Variants in TBC1D1 observed in about 807,000 individuals in gnomAD.
TBC1D1 encodes the protein TBC1 (tre-2/USP6, BUB2, cdc16) domain family, member 1.
TBC1D1 carries 89 observed loss-of-function variants against 125.6 expected under a neutral mutation model. The ratio of observed to expected loss-of-function variants is 0.71; its 90% CI spans 0.60 to 0.85. The LOEUF is 0.85. Ranked by LOEUF, TBC1D1 falls within the 40% of genes least tolerant of loss-of-function variation. The pLI, the probability that TBC1D1 is intolerant of heterozygous loss-of-function variation, is 0.00. For synonymous variants in TBC1D1, 565 were observed against 564.1 expected (o/e 1.00, Z -0.02); for missense variants, 1,377 against 1,469.2 (o/e 0.94, Z 1.03).
chr4:37,997,213 C>A (rs1737992558), intron 2 of TBC1D1, among the ~76,000 whole-genome samples: 1 of 152,212 alleles, frequency 6.6e-6, no homozygotes, highest in African/African-American at 2.4e-5. Flanking sequence ...AGTATTATCA[C>A]AATTTTAATT....
intron 13 of TBC1D1, among the ~76,000 whole-genome samples, chr4:38,094,395 C>A (rs953947870): frequency 3.3e-5 from 5 of 152,120 alleles, no homozygotes; most frequent in African/African-American, 1.2e-4. Flanking sequence ...GTCCTCTTCC[C>A]CTATCTCTAC....
chr4:37,953,331 C>A (rs980123833), intron 2 of TBC1D1, among the ~76,000 whole-genome samples: 22 of 152,284 alleles, frequency 1.4e-4, no homozygotes, highest in African/African-American at 5.3e-4. Context: ...ATCTTAATAT[C>A]AGACTTTATT....
chr4:37,978,005 G>C (rs944582303), intron 2 of TBC1D1, among the ~76,000 whole-genome samples: 1 of 152,244 alleles, frequency 6.6e-6, no homozygotes, highest in Admixed American at 6.5e-5. Flanking sequence ...CCCACAAGGG[G>C]CGTCTGTCTT....
Position 37,993,589 on chromosome 4 carries a change from TATTTA to T in TBC1D1, c.418-20919_418-20915del, listed in dbSNP as rs1488469874. On this transcript the variant is annotated intron_variant, in intron 2 of 19. Coordinates refer to ENST00000261439, the MANE Select transcript of TBC1D1 (RefSeq NM_015173.4). ...GGCAAACAACAAAGCTTTATTTATT[TATTTA>T]TTTTTGAGATGCAGTCTCGCTCTGT... 6.1e-5 allele frequency among the ~76,000 whole-genome samples: 9 copies of T among 148,450 alleles called. No homozygotes were observed. In the East Asian group the frequency reaches 1.4e-3, roughly 24 times the overall value.
chr4:38,075,048 C>T (rs954172385), intron 12 of TBC1D1, among the ~76,000 whole-genome samples: 10 of 152,252 alleles, frequency 6.6e-5, no homozygotes, highest in Non-Finnish European at 1.2e-4. Context: ...CGTGAGCCAC[C>T]GCGCCTGGCC....
chr4:38,081,964 G>A (rs913388990), intron 12 of TBC1D1, among the ~76,000 whole-genome samples: 8 of 152,170 alleles, frequency 5.3e-5, no homozygotes, highest in African/African-American at 1.7e-4. Context: ...GTCTTGCCGT[G>A]GAGGGATAAA....
chr4:38,106,972 C>T (rs1020126172), intron 15 of TBC1D1, among the ~76,000 whole-genome samples: 25 of 151,966 alleles, frequency 1.6e-4, no homozygotes, highest in African/African-American at 5.8e-4. Flanking sequence ...CCACCCTCTC[C>T]CTCTGCTGCC....
chr4:38,089,521 A>G (rs1235401027), intron 12 of TBC1D1, among the ~76,000 whole-genome samples: 1 of 152,230 alleles, frequency 6.6e-6, no homozygotes, highest in African/African-American at 2.4e-5. Flanking sequence ...TTAAAACTGC[A>G]TAGTTATCAT....
intron 14 of TBC1D1, among the ~76,000 whole-genome samples, chr4:38,098,456 G>T (rs921788403): frequency 6.6e-6 from 1 of 152,180 alleles, no homozygotes; most frequent in Non-Finnish European, 1.5e-5. Flanking sequence ...GGCATATTTT[G>T]TGGGGGCTAA....
chr4:37,979,733 G>T (rs116479015), intron 2 of TBC1D1, among the ~76,000 whole-genome samples: 2,063 of 152,300 alleles, frequency 0.014, 49 homozygotes, highest in African/African-American at 0.046. Flanking sequence ...AAGGAGAAGG[G>T]GTGGGTGTCG....
intron 17 of TBC1D1, among the ~76,000 whole-genome samples, chr4:38,119,546 C>G (rs1763523342): frequency 6.6e-6 from 1 of 151,754 alleles, no homozygotes; most frequent in Non-Finnish European, 1.5e-5. Flanking sequence ...CTAAAAGCCT[C>G]AAAATTGTGT....
intron 2 of TBC1D1, among the ~76,000 whole-genome samples, chr4:37,943,133 T>G (rs1016726558): frequency 2.0e-5 from 3 of 152,208 alleles, no homozygotes; most frequent in African/African-American, 7.2e-5. Flanking sequence ...GGGTTGAAAA[T>G]TATTTTCTTT....
In TBC1D1 at chr4:37,954,204, A is replaced by T. The variant is rs1316302427; in HGVS notation, c.417+51692A>T. On this transcript the variant is annotated intron_variant, in intron 2 of 19. Transcript: ENST00000261439. Reference sequence around the variant, plus strand: ...GATGGCTGCTGTGGCTCCTCGCACCAGTGCATTCTAGGTAGGAGAGGAGGG... The same window carrying T: ...GATGGCTGCTGTGGCTCCTCGCACCTGTGCATTCTAGGTAGGAGAGGAGGG... Among the ~76,000 whole-genome samples the T allele has an allele frequency of 5.3e-5, 8 of 152,268 alleles. No individual in the cohort carries two copies. In the East Asian group the frequency reaches 1.4e-3, roughly 26 times the overall value.
rs71658755 is a variant in TBC1D1 at position 38,093,527 on chromosome 4, C to CT, written c.2237-2388dup. 5.8e-3 allele frequency among the ~76,000 whole-genome samples: 834 copies of CT among 144,442 alleles called. 6 individuals are homozygous for CT. Among genetic ancestry groups the CT allele is most frequent in the Middle Eastern group, 0.021 (6 of 280 alleles). 94.8% of individuals were successfully genotyped at this position (144,442 alleles called of 152,430 possible). A position where few individuals can be genotyped will look rare whatever the true frequency, so the allele number is the denominator to read the frequency against. On this transcript the variant is annotated intron_variant, in intron 13 of 19. Transcript: ENST00000261439. ...CCTCTGCAAGGCCGTTTTCCCCCCC[C>CT]TTTTTTTTTTTTTTGAGACAGAGTT...
intron 2 of TBC1D1, among the ~76,000 whole-genome samples, chr4:37,910,373 AAC>A: frequency 6.6e-6 from 1 of 152,378 alleles, no homozygotes; most frequent in Admixed American, 6.5e-5. Flanking sequence ...AAGTATAAAA[AAC>A]ACAGTGGATT....
Position 38,049,917 on chromosome 4 carries a change from T to C in TBC1D1, c.1910+19T>C, listed in dbSNP as rs368481906. 7.5e-5 allele frequency: 120 copies of C among 1,599,586 alleles called. No homozygotes were observed. The highest frequency in any genetic ancestry group is 2.9e-4 in the Admixed American group (17 of 58,604). Reference sequence around the variant, plus strand: ...AACGAAAGTAAGATTTGTTTAAATTTGTTGCATAAATAGCTGGGGCATATC... The same window carrying C: ...AACGAAAGTAAGATTTGTTTAAATTCGTTGCATAAATAGCTGGGGCATATC... On this transcript the variant is annotated intron_variant, in intron 11 of 19. Transcript: ENST00000261439.
At chr4:38,110,676 A>G (rs149225039) in intron 15 of TBC1D1, 216 of 985,432 alleles carry the variant, frequency 2.2e-4, no homozygotes, top group African/African-American at 2.0e-3. Context: ...CTCATTTTAT[A>G]TGTGAAGGTA....
intron 1 of TBC1D1, among the ~76,000 whole-genome samples, chr4:37,894,233 C>T (rs930725056): frequency 6.6e-5 from 10 of 152,100 alleles, no homozygotes; most frequent in African/African-American, 2.4e-4. Flanking sequence ...GTGATCCACC[C>T]GCCTTGGCCT....
At chr4:37,970,503 C>A (rs565266350) in intron 2 of TBC1D1, among the ~76,000 whole-genome samples, 1 of 152,340 alleles carries the variant, frequency 6.6e-6, no homozygotes, top group Admixed American at 6.5e-5. Context: ...TCCCTCTCCA[C>A]CTTCTGTAAA....
Sources: gnomAD v4.1 joint callset for allele counts (sites outside exome capture counted in the v4.1 genomes callset) on GRCh38, gnomAD v4.1.1 for gene constraint, MANE v1.5 for transcripts, NCBI Gene and HGNC (gene_info 2026-07-23, HGNC 2026-07-21) for gene names.